Variants in GSPT1 observed in about 807,000 individuals in gnomAD.
The protein encoded by GSPT1 is G1 to S phase transition 1.
Under a neutral mutation model 72.5 loss-of-function variants are expected in GSPT1, and 20 were observed. The observed-to-expected ratio is 0.28, with a 90% CI of 0.19 to 0.40. GSPT1 has a LOEUF of 0.40. GSPT1 is among the 10% of genes least tolerant of loss of function. The pLI is 1.00. For synonymous variants in GSPT1, 334 were observed against 293.5 expected, an observed-to-expected ratio of 1.14 and a Z score of -1.41; for missense variants, 580 against 811.9, an observed-to-expected ratio of 0.71 and a Z score of 3.47.
chr16:11,914,871 G>T, intron 1 of GSPT1: 1 of 547,456 alleles, frequency 1.8e-6, no homozygotes, highest in Non-Finnish European at 3.1e-6. Flanking sequence ...AGTTTAAACC[G>T]TAATTACAGT....
chr16:11,897,978 A>T lies in GSPT1; in HGVS notation c.394+16T>A. On this transcript the variant is annotated intron_variant, in intron 2 of 14. Transcript: ENST00000434724. ...TAATGTTTTCTCAAGTAGACTTTCAAAGAGTACATCATTACCTTCACACAA... is the reference window on the plus strand; with the variant it reads ...TAATGTTTTCTCAAGTAGACTTTCATAGAGTACATCATTACCTTCACACAA... 1 of 1,537,360 alleles carries T rather than the reference A, an allele frequency of 6.5e-7. No individual in the cohort carries two copies. Among genetic ancestry groups the T allele is most frequent in the Non-Finnish European group, 8.8e-7 (1 of 1,131,622 alleles).
chr16:11,896,551 A>G lies in GSPT1; in HGVS notation c.664+7T>C. ...CAGTAACTTTAATTGCTATGAGAGCAGCTTACCTACGTGCCCAATGAATAC... is the reference window on the plus strand; with the variant it reads ...CAGTAACTTTAATTGCTATGAGAGCGGCTTACCTACGTGCCCAATGAATAC... On this transcript the variant is annotated splice_region_variant and intron_variant, in intron 4 of 14. Coordinates refer to ENST00000434724, the MANE Select transcript of GSPT1 (RefSeq NM_002094.4). The G allele has an allele frequency of 6.6e-7, 1 of 1,505,290 alleles. No homozygotes were observed. Among genetic ancestry groups the G allele is most frequent in the Non-Finnish European group, 9.2e-7 (1 of 1,092,702 alleles). 93.2% of individuals were successfully genotyped at this position (1,505,290 alleles called of 1,614,324 possible).
chr16:11,887,797 GT>G, intron 6 of GSPT1, 47 bp from the exon 7 acceptor site: 2 of 1,257,446 alleles, frequency 1.6e-6, no homozygotes, highest in South Asian at 1.3e-5. Flanking sequence ...GAACATCAGA[GT>G]TTTTAGGATA....
Position 11,869,637 on chromosome 16 carries a change from T to G in GSPT1, c.*3482A>C, listed in dbSNP as rs1296091148. ...TGTAATAAAACTGCGTATTTTCCCC[T>G]TGACTACCTTAAATCCCTACCCAAA... On this transcript the variant is annotated 3_prime_UTR_variant, in exon 15 of 15. Transcript: ENST00000434724. 2.6e-5 allele frequency: 4 copies of G among 152,222 alleles called. No individual in the cohort carries two copies. Among genetic ancestry groups the G allele is most frequent in the Non-Finnish European group, 5.9e-5 (4 of 68,062 alleles). 9.4% of individuals were successfully genotyped at this position (152,222 alleles called of 1,614,324 possible).
intron 1 of GSPT1, among the ~76,000 whole-genome samples, chr16:11,903,584 G>T (rs1213404800): frequency 6.6e-6 from 1 of 152,128 alleles, no homozygotes; most frequent in Non-Finnish European, 1.5e-5. Context: ...CTACTTGGGA[G>T]GCTGAGGTGG....
rs183391381 is a variant in GSPT1 at position 11,886,676 on chromosome 16, G to A, written c.1113-65C>T. On this transcript the variant is annotated intron_variant, in intron 8 of 14. Transcript: ENST00000434724. ...TAAACCAAGAACTCTAGTTTCCTAA[G>A]TAAACAGATTAAGGTTTAGAAAAAC... 89 of 1,551,164 alleles carry A rather than the reference G, an allele frequency of 5.7e-5. No individual in the cohort carries two copies. The East Asian group carries it at 1.5e-3, about 26-fold the overall frequency.
At chr16:11,912,078 C>G (rs1409784606) in intron 1 of GSPT1, among the ~76,000 whole-genome samples, 3 of 116,258 alleles carry the variant, frequency 2.6e-5, no homozygotes, top group Non-Finnish European at 5.1e-5. Context: ...CAGGCGCGGT[C>G]ACACCTGTAA....
At chr16:11,903,686 G>A (rs1417473661) in intron 1 of GSPT1, among the ~76,000 whole-genome samples, 1 of 152,068 alleles carries the variant, frequency 6.6e-6, no homozygotes, top group Non-Finnish European at 1.5e-5. Context: ...GTGAGACCCT[G>A]TCTCCAAAAA....
intron 1 of GSPT1, among the ~76,000 whole-genome samples, chr16:11,913,982 A>T (rs546681353): frequency 6.6e-6 from 1 of 152,188 alleles, no homozygotes. Flanking sequence ...CGAAAGAGCA[A>T]ACGGTGACAA....
chr16:11,916,099 G>A (rs536410065), upstream of GSPT1: 35 of 479,568 alleles, frequency 7.3e-5, no homozygotes, highest in African/African-American at 6.0e-4. Flanking sequence ...TTAGCGCGGC[G>A]GGAGGTGGAA....
chr16:11,904,734 T>C (rs2054467241), intron 1 of GSPT1, among the ~76,000 whole-genome samples: 1 of 152,170 alleles, frequency 6.6e-6, no homozygotes, highest in African/African-American at 2.4e-5. Context: ...TCTTAAAAAG[T>C]GCTTGATGCA....
At chr16:11,875,973 A>G (rs936241518) in intron 13 of GSPT1, 44 bp from the exon 14 acceptor site, 1 of 1,557,714 alleles carries the variant, frequency 6.4e-7, no homozygotes, top group Admixed American at 1.8e-5. Context: ...AATGCCAAAT[A>G]AAATAATCTT....
chr16:11,896,708 C>A lies in GSPT1; in HGVS notation c.514G>T (p.Gly172Cys), dbSNP rs759440542. 1.2e-6 allele frequency: 2 copies of A among 1,607,426 alleles called. No individual in the cohort carries two copies. The highest frequency in any genetic ancestry group is 2.2e-5 in the East Asian group (1 of 44,812). The change falls in exon 4 of 15, where the codon GGT (glycine) becomes TGT (cysteine). Residue 172 changes from glycine to cysteine, a missense_variant. Coordinates refer to ENST00000434724, the MANE Select transcript of GSPT1 (RefSeq NM_002094.4). Reference sequence around the variant, plus strand: ...GGCCTTCCATCTCCCAAGGAACCACCCCCTGGCTCTGCTTCACTTATTTCT... The same window carrying A: ...GGCCTTCCATCTCCCAAGGAACCACACCCTGGCTCTGCTTCACTTATTTCT... ...KEEISEAEPG[G>C]GSLGDGRPPE...
intron 5 of GSPT1, among the ~76,000 whole-genome samples, chr16:11,891,924 G>T (rs1596465780): frequency 6.6e-6 from 1 of 151,824 alleles, no homozygotes; most frequent in South Asian, 2.1e-4. Context: ...GCCTCCCAAA[G>T]TGCTGGGAAT....
At chr16:11,900,862 G>C (rs374727684) in intron 1 of GSPT1, among the ~76,000 whole-genome samples, 18 of 151,998 alleles carry the variant, frequency 1.2e-4, no homozygotes, top group Middle Eastern at 3.4e-3. Context: ...ACTTACAATG[G>C]ATTGTAAGTT....
chr16:11,880,243 A>C (rs2054105189), intron 11 of GSPT1: 1 of 152,218 alleles, frequency 6.6e-6, no homozygotes, highest in South Asian at 2.1e-4. Context: ...TCCTTTATGG[A>C]CACCAGGGTT....
intron 1 of GSPT1, among the ~76,000 whole-genome samples, chr16:11,913,992 A>G (rs2054593077): frequency 1.3e-5 from 2 of 152,328 alleles, no homozygotes; most frequent in South Asian, 2.1e-4. Context: ...AACGGTGACA[A>G]AAGTTTCTGT....
rs2054631094 is a variant in GSPT1 at position 11,915,900 on chromosome 16, G to T, written c.-180C>A. ...GCTCCAGTCCCGACTCCACACTCGC[G>T]ACGACGACAGAGGCGGCGGCGGCGG... is the stretch of plus-strand genomic sequence containing the variant. On this transcript the variant is annotated 5_prime_UTR_variant, in exon 1 of 15. Transcript: ENST00000434724. The T allele has an allele frequency of 5.6e-6, 5 of 888,080 alleles. No homozygotes were observed. Among genetic ancestry groups the T allele is most frequent in the South Asian group, 1.3e-5 (1 of 76,284 alleles). The allele number at this position is 888,080 out of a possible 1,614,324, so 55.0% of individuals were successfully genotyped here. A position where few individuals can be genotyped will look rare whatever the true frequency, so the allele number is the denominator to read the frequency against.
At chr16:11,899,770 C>T (rs2054382888) in intron 1 of GSPT1, among the ~76,000 whole-genome samples, 1 of 152,086 alleles carries the variant, frequency 6.6e-6, no homozygotes, top group Admixed American at 6.6e-5. Context: ...ACAGGCCACC[C>T]TAAGAAGGAG....
Sources: allele counts gnomAD v4.1 joint callset (sites outside exome capture counted in the v4.1 genomes callset), GRCh38; gene constraint gnomAD v4.1.1; transcripts MANE v1.5; gene names NCBI Gene and HGNC (gene_info 2026-07-23, HGNC 2026-07-21).